Variants in IFT140 observed in about 807,000 individuals in gnomAD.
The protein encoded by IFT140 is intraflagellar transport 140.
In IFT140, 133 loss-of-function variants were observed where a neutral mutation model predicts 164.6. That is an observed-to-expected ratio of 0.81 (90% CI 0.70 to 0.93). The LOEUF is 0.93. IFT140 is among the 40% of genes least tolerant of loss of function. The pLI is 0.00. For synonymous variants in IFT140, 860 were observed against 817.3 expected (o/e 1.05, Z -0.89); for missense variants, 2,045 against 1,972.3 (o/e 1.04, Z -0.70).
chr16:1,541,281 AG>A (rs1392696468), intron 19 of IFT140: 5 of 984,816 alleles, frequency 5.1e-6, no homozygotes, highest in South Asian at 4.7e-5. Flanking sequence ...CCAGGAGGTG[AG>A]GGGGGCAGGT....
Position 1,510,909 on chromosome 16 carries a change from C to T in IFT140, c.*35G>A. The T allele has an allele frequency of 3.2e-6, 5 of 1,586,392 alleles. No homozygotes were observed. Among genetic ancestry groups the T allele is most frequent in the African/African-American group, 1.3e-5 (1 of 74,368 alleles). ...CAAAAAAATTCCAGAAGATGCCTTT[C>T]TGCAGCAGCACGCTGGTCCTGGGGC... On this transcript the variant is annotated 3_prime_UTR_variant, in exon 31 of 31. Coordinates refer to ENST00000426508, the MANE Select transcript of IFT140 (RefSeq NM_014714.4).
rs141254616 is a variant in IFT140 at position 1,589,643 on chromosome 16, T to C, written c.772A>G (p.Thr258Ala). The C allele has an allele frequency of 1.9e-6, 3 of 1,614,064 alleles. No individual in the cohort carries two copies. Among genetic ancestry groups the C allele is most frequent in the Non-Finnish European group, 2.5e-6 (3 of 1,180,032 alleles). The change falls in exon 7 of 31, where the codon ACG becomes GCG. Residue 258 changes from threonine (T) to alanine (A), a missense_variant. Thr to Ala is a moderately conservative substitution (Grantham distance 58, BLOSUM62 0). Coordinates refer to ENST00000426508, the MANE Select transcript of IFT140 (RefSeq NM_014714.4). ...TCTGCTTTGCCCTCAGGAGGCACCG[T>C]GTACAGGGACAGCCGGAGGTTCTCT... ...VTENLRLSLY[T>A]VPPEGKAEEV...
At chr16:1,526,361 A>G (rs1475548258) in intron 20 of IFT140, 2 of 441,830 alleles carry the variant, frequency 4.5e-6, no homozygotes, top group Non-Finnish European at 8.1e-6. Flanking sequence ...AGCCCTGCTG[A>G]CCTGGGGGTC....
chr16:1,568,182 G>T, intron 15 of IFT140, 35 bp downstream of exon 15: 1 of 1,460,360 alleles, frequency 6.8e-7, no homozygotes. Flanking sequence ...GAGGTGAGGA[G>T]GCGGAGTGGG....
intron 13 of IFT140, among the ~76,000 whole-genome samples, chr16:1,573,828 AAG>A (rs1433196997): frequency 1.3e-5 from 2 of 152,200 alleles, no homozygotes; most frequent in Non-Finnish European, 2.9e-5. Flanking sequence ...GCTGGCACAG[AAG>A]TTACTTTCTA....
intron 4 of IFT140, among the ~76,000 whole-genome samples, chr16:1,597,651 A>G (rs1003535839): frequency 2.0e-5 from 3 of 152,172 alleles, no homozygotes; most frequent in Admixed American, 1.3e-4. Context: ...TCATTACTAA[A>G]TTAGTTCCAG....
Position 1,526,980 on chromosome 16 carries a change from C to A in IFT140, c.2400-184G>T, listed in dbSNP as rs564710073. 1.8e-5 allele frequency: 11 copies of A among 604,566 alleles called. No homozygotes were observed. In the South Asian group the frequency reaches 2.5e-4, roughly 14 times the overall value. The allele number at this position is 604,566 out of a possible 1,614,324, so 37.5% of individuals were successfully genotyped here. A position where few individuals can be genotyped will look rare whatever the true frequency, so the allele number is the denominator to read the frequency against. On this transcript the variant is annotated intron_variant, in intron 19 of 30. Transcript: ENST00000426508. ...AGGCCATGCAGAGAGGTGCCCGTCA[C>A]GAGTCCCACGGCCTTCCTAACCCCA...
intron 16 of IFT140, 96 bp downstream of exon 16, chr16:1,566,065 T>C: frequency 1.3e-5 from 16 of 1,247,362 alleles, no homozygotes; most frequent in Non-Finnish European, 1.7e-5. Context: ...CTGGGGCCTT[T>C]TGAAGGCGCG....
chr16:1,560,360 G>A (rs953971014), intron 18 of IFT140, among the ~76,000 whole-genome samples: 4 of 152,186 alleles, frequency 2.6e-5, no homozygotes, highest in African/African-American at 7.2e-5. Flanking sequence ...GAACACGGCC[G>A]CCAACCGCAC....
intron 30 of IFT140, among the ~76,000 whole-genome samples, chr16:1,517,848 T>C (rs2040409217): frequency 6.6e-6 from 1 of 152,128 alleles, no homozygotes; most frequent in African/African-American, 2.4e-5. Context: ...AGATTTTTTT[T>C]TTCTTTTGAG....
At chr16:1,556,541 C>T (rs756900994) in intron 19 of IFT140, among the ~76,000 whole-genome samples, 6 of 152,238 alleles carry the variant, frequency 3.9e-5, no homozygotes, top group African/African-American at 1.2e-4. Flanking sequence ...GGCCTTCTAG[C>T]GAGTTGAGGG....
rs985942485 is a variant in IFT140 at position 1,551,750 on chromosome 16, G to A, written c.2399+6185C>T. The stretch of plus-strand genomic sequence containing the variant: ...TTTGTTGGGAGCTACCTATACAAAG[G>A]AGGCCACACCACACGTGCGTGGTCC... On this transcript the variant is annotated intron_variant, in intron 19 of 30. Coordinates refer to ENST00000426508, the MANE Select transcript of IFT140 (RefSeq NM_014714.4). This position sits in a 1 kb window ranked among gnomAD's most constrained non-coding sequence, Gnocchi z 4.0. Among the ~76,000 whole-genome samples the A allele has an allele frequency of 2.6e-5, 4 of 152,174 alleles. No homozygotes were observed. The highest frequency in any genetic ancestry group is 5.9e-5 in the Non-Finnish European group (4 of 68,020).
rs2030470636 is a variant in IFT140 at position 1,531,344 on chromosome 16, ACT to A, written c.2400-4550_2400-4549del. The stretch of plus-strand genomic sequence containing the variant: ...GTCCTGCAGAAGCTCTGCCGAGACC[ACT>A]CTGTGTCAGGATGAGGGTGGCTGGC... On this transcript the variant is annotated intron_variant, in intron 19 of 30. Transcript: ENST00000426508. The surrounding 1 kb of genome is among the most constrained non-coding windows in gnomAD (Gnocchi z 4.7). 1 of 151,968 alleles carries A rather than the reference ACT, an allele frequency of 6.6e-6. No individual in the cohort carries two copies. Among genetic ancestry groups the A allele is most frequent in the Non-Finnish European group, 1.5e-5 (1 of 68,002 alleles). The allele number at this position is 151,968 out of a possible 1,614,324, so 9.4% of individuals were successfully genotyped here. A position where few individuals can be genotyped will look rare whatever the true frequency, so the allele number is the denominator to read the frequency against.
chr16:1,554,077 C>T, intron 19 of IFT140: 1 of 1,287,106 alleles, frequency 7.8e-7, no homozygotes, highest in Non-Finnish European at 1.0e-6. Context: ...GGAAAATCTG[C>T]CAGGGAGGAG....
At chr16:1,591,688 A>G (rs1645298331) in intron 6 of IFT140, among the ~76,000 whole-genome samples, 1 of 152,152 alleles carries the variant, frequency 6.6e-6, no homozygotes, top group African/African-American at 2.4e-5. Flanking sequence ...CGGGCTGAAC[A>G]CCAGCCACAC....
At position 1,520,330 on chromosome 16, in the gene IFT140, AGC is replaced by A. The variant is rs754400742; in HGVS notation, c.3672_3673del (p.Leu1225AlafsTer27). ...TTTCTCCGTGTCTCCGGATTTGAGC[AGC>A]GCCCTCATGGCCTAGGCAGAGAGAC... On this transcript the variant is annotated frameshift_variant, in exon 28 of 31. Transcript: ENST00000426508. LOFTEE classifies it high-confidence loss of function. The A allele has an allele frequency of 6.2e-7, 1 of 1,614,146 alleles. No homozygotes were observed. Among genetic ancestry groups the A allele is most frequent in the Admixed American group, 1.7e-5 (1 of 60,034 alleles).
chr16:1,541,844 C>T lies in IFT140; in HGVS notation c.2400-15048G>A, dbSNP rs1048792859. 6.1e-6 allele frequency: 9 copies of T among 1,471,986 alleles called. No individual in the cohort carries two copies. The Admixed American group carries it at 8.9e-5, about 15-fold the overall frequency. The allele number at this position is 1,471,986 out of a possible 1,614,324, so 91.2% of individuals were successfully genotyped here. ...CCCTTTCCGAGGCAAACAGAGACCACGAAAGTGGCGTGACGGCTGGCGTGG... is the reference window on the plus strand; with the variant it reads ...CCCTTTCCGAGGCAAACAGAGACCATGAAAGTGGCGTGACGGCTGGCGTGG... On this transcript the variant is annotated intron_variant, in intron 19 of 30. Coordinates refer to ENST00000426508, the MANE Select transcript of IFT140 (RefSeq NM_014714.4).
At chr16:1,513,636 T>C (rs904622593) in intron 30 of IFT140, among the ~76,000 whole-genome samples, 15 of 150,266 alleles carry the variant, frequency 1.0e-4, no homozygotes, top group Non-Finnish European at 2.1e-4. Context: ...TGGGAGTGGG[T>C]GGCACTGGGC....
chr16:1,562,167 A>AT, intron 17 of IFT140, 51 bp from the exon 18 acceptor site: 1 of 1,494,274 alleles, frequency 6.7e-7, no homozygotes, highest in Middle Eastern at 1.8e-4. Flanking sequence ...ACTTACATAA[A>AT]TTTCTGGGGT....
Sources: gnomAD v4.1 joint callset for allele counts (sites outside exome capture counted in the v4.1 genomes callset) on GRCh38, gnomAD v4.1.1 for gene constraint, Gnocchi (gnomAD v3.1) non-coding constraint, MANE v1.5 for transcripts, NCBI Gene and HGNC (gene_info 2026-07-23, HGNC 2026-07-21) for gene names.